RAPGEF6: variants seen among roughly 807,000 people sequenced by gnomAD.
The protein encoded by RAPGEF6 is PDZ domain containing guanine nucleotide exchange factor (GEF) 2.
Under a neutral mutation model 171.4 loss-of-function variants are expected in RAPGEF6, and 56 were observed. The observed-to-expected ratio is 0.33, with a 90% CI of 0.26 to 0.41. The LOEUF (loss-of-function observed/expected upper bound fraction) is 0.41, where lower values mean the gene tolerates loss of function less well. Ranked by LOEUF, RAPGEF6 falls within the 10% of genes least tolerant of loss-of-function variation. RAPGEF6 has a pLI of 1.00. For missense variants in RAPGEF6, 1,674 were observed against 1,921.4 expected, an observed-to-expected ratio of 0.87 and a Z score of 2.41; for synonymous variants, 692 against 650.1, an observed-to-expected ratio of 1.06 and a Z score of -0.98.
chr5:131,431,447 T>C, intron 25 of RAPGEF6, 98 bp from the exon 26 acceptor site: 1 of 1,326,536 alleles, frequency 7.5e-7, no homozygotes. Flanking sequence ...ACAGAGCACG[T>C]ACCACAAGTG....
At chr5:131,558,237 A>C (rs1323784616) in intron 5 of RAPGEF6, among the ~76,000 whole-genome samples, 1 of 145,654 alleles carries the variant, frequency 6.9e-6, no homozygotes. Context: ...TTTTTTTTCC[A>C]AGGAATTTGA....
intron 5 of RAPGEF6, among the ~76,000 whole-genome samples, chr5:131,553,304 T>C (rs1252325537): frequency 6.6e-6 from 1 of 152,188 alleles, no homozygotes; most frequent in African/African-American, 2.4e-5. Context: ...AATCCAAACC[T>C]AGCTCAACTC....
At chr5:131,458,912 C>T (rs1054875649) in intron 19 of RAPGEF6, among the ~76,000 whole-genome samples, 1 of 152,198 alleles carries the variant, frequency 6.6e-6, no homozygotes, top group African/African-American at 2.4e-5. Context: ...CATTGGCCTC[C>T]AAAGTGCCAG....
At position 131,498,575 on chromosome 5, in the gene RAPGEF6, T is replaced by C; in HGVS notation, c.1287A>G (p.Ile429Met). The C allele has an allele frequency of 6.2e-7, 1 of 1,613,802 alleles. No individual in the cohort carries two copies. Among genetic ancestry groups the C allele is most frequent in the Non-Finnish European group, 8.5e-7 (1 of 1,179,880 alleles). ...TTGGATCCACGATGGAATGTTCTTC[T>C]ATTAAATGCATTATGAGACGCTCAG... Reference protein sequence around the residue: ...ATPERLIMHLIEEHSIVDPTY... With the variant: ...ATPERLIMHLMEEHSIVDPTY... The change falls in exon 12 of 28, where the codon ATA becomes ATG. Residue 429 changes from isoleucine (I) to methionine (M), a missense_variant. Coordinates refer to ENST00000509018, the MANE Select transcript of RAPGEF6 (RefSeq NM_016340.6).
At chr5:131,558,220 T>G (rs1227528787) in intron 5 of RAPGEF6, among the ~76,000 whole-genome samples, 2 of 141,006 alleles carry the variant, frequency 1.4e-5, no homozygotes, top group Non-Finnish European at 3.0e-5. Flanking sequence ...CCAGTTTGGT[T>G]TTTTTTTTTT....
intron 16 of RAPGEF6, among the ~76,000 whole-genome samples, chr5:131,477,963 C>A (rs1236976877): frequency 1.3e-5 from 2 of 152,142 alleles, no homozygotes; most frequent in African/African-American, 4.8e-5. Context: ...TGTGGGCTGG[C>A]CCCTCTAACA....
rs752185779 is a variant in RAPGEF6, at chr5:131,429,045, A to T, written c.4637T>A (p.Leu1546His). ...VQRSKMMHNS[L>H]SRLPPASLSS... is the part of the protein sequence containing the mutation. ...GAGAGAAGCTGGTGGCAGTCTAGAG[A>T]GGCTGTTATGCATCATCTTTGACCT... Residue 1546 changes from leucine to histidine, a missense_variant, in exon 27 of 28, where the codon CTC (leucine) becomes CAC (histidine). This residue lies in a region of RAPGEF6 where 552 missense variants were observed against 574.2 expected (regional missense o/e 0.96). Transcript: ENST00000509018. 6.2e-7 allele frequency: 1 copy of T among 1,614,158 alleles called. No homozygotes were observed. The highest frequency in any genetic ancestry group is 1.7e-5 in the Admixed American group (1 of 60,022).
intron 1 of RAPGEF6, among the ~76,000 whole-genome samples, chr5:131,609,667 A>T (rs1182090213): frequency 6.6e-6 from 1 of 152,184 alleles, no homozygotes; most frequent in African/African-American, 2.4e-5. Flanking sequence ...ACAGAGACCA[A>T]CCGTATGAGT....
chr5:131,463,850 G>A (rs1178421518), intron 18 of RAPGEF6, 191 bp downstream of exon 18: 2 of 1,251,786 alleles, frequency 1.6e-6, no homozygotes, highest in Non-Finnish European at 2.0e-6. Flanking sequence ...TAAAAAAACA[G>A]GAACTAGATT....
In RAPGEF6 at chr5:131,461,934, T is replaced by C. The variant is rs1342619431; in HGVS notation, c.2635A>G (p.Ile879Val). 2 of 1,614,144 alleles carry C rather than the reference T, an allele frequency of 1.2e-6. No homozygotes were observed. Among genetic ancestry groups the C allele is most frequent in the East Asian group, 2.2e-5 (1 of 44,876 alleles). ...SMRDFDLFRN[I>V]EPTEYIDDLF... ...TCATCGATGTACTCAGTCGGTTCAA[T>C]ATTACGAAACAAATCAAAGTCCCTC... Residue 879 changes from isoleucine to valine, a missense_variant, in exon 19 of 28, where the codon ATT becomes GTT. Physicochemically the swap from Ile to Val is conservative, Grantham distance 29. Around this residue, in one of 3 missense-constraint regions of RAPGEF6, gnomAD observed 1,116 missense variants for 1,321.5 expected, o/e 0.84. Coordinates refer to ENST00000509018, the MANE Select transcript of RAPGEF6 (RefSeq NM_016340.6).
rs770886670 is a variant in RAPGEF6, at chr5:131,479,566, G to C, written c.2028C>G (p.Ile676Met). Residue 676 changes from isoleucine (I) to methionine (M), a missense_variant, in exon 16 of 28, where the codon ATC becomes ATG. By Grantham distance (10) the Ile-to-Met change is conservative. Transcript: ENST00000509018. ...ANTVSGGRNK[I>M]RKILDKTRFS... ...ATCGTGTTTTATCCAAAATCTTCCT[G>C]ATTTTGTTTCTTCCACCTGAAACAG... The C allele has an allele frequency of 6.2e-7, 1 of 1,613,816 alleles. No homozygotes were observed. Among genetic ancestry groups the C allele is most frequent in the Admixed American group, 1.7e-5 (1 of 60,000 alleles).
chr5:131,603,352 T>A, intron 2 of RAPGEF6, 25 bp from the exon 3 acceptor site: 1 of 1,414,586 alleles, frequency 7.1e-7, no homozygotes, highest in Non-Finnish European at 9.7e-7. Flanking sequence ...AATTGAAGAT[T>A]TTATCTTACA....
chr5:131,503,587 C>T (rs1216337673), intron 11 of RAPGEF6, among the ~76,000 whole-genome samples: 1 of 152,096 alleles, frequency 6.6e-6, no homozygotes. Flanking sequence ...GATTTAACTC[C>T]CTCATATTAT....
Position 131,498,439 on chromosome 5 carries a change from C to A in RAPGEF6, c.1419+4G>T. On this transcript the variant is annotated splice_donor_region_variant and intron_variant, in intron 12 of 27. Transcript: ENST00000509018. Reference sequence around the variant, plus strand: ...ATCACTTTCATGCCCCTTATAAAACCAACCTTATCTCTTAAGCTGTCGATC... The same window carrying A: ...ATCACTTTCATGCCCCTTATAAAACAAACCTTATCTCTTAAGCTGTCGATC... 6.3e-7 allele frequency: 1 copy of A among 1,583,076 alleles called. No individual in the cohort carries two copies. The highest frequency in any genetic ancestry group is 8.6e-7 in the Non-Finnish European group (1 of 1,163,738).
chr5:131,551,404 C>T (rs962651292), intron 5 of RAPGEF6, among the ~76,000 whole-genome samples: 1 of 150,684 alleles, frequency 6.6e-6, no homozygotes, highest in African/African-American at 2.5e-5. Context: ...CCCAGCTACT[C>T]GGGAGGCTGA....
chr5:131,462,249 G>T (rs1753985992), intron 18 of RAPGEF6, among the ~76,000 whole-genome samples, 161 bp from the exon 19 acceptor site: 1 of 152,106 alleles, frequency 6.6e-6, no homozygotes. Flanking sequence ...TAAATGAAAA[G>T]ATTTTTGAGA....
intron 15 of RAPGEF6, among the ~76,000 whole-genome samples, chr5:131,480,391 T>C (rs1315273391): frequency 6.6e-6 from 1 of 152,186 alleles, no homozygotes; most frequent in Non-Finnish European, 1.5e-5. Flanking sequence ...CTCACTACTG[T>C]AGTCAGGTTC....
In RAPGEF6 at chr5:131,430,867, C is replaced by A; in HGVS notation, c.4457G>T (p.Gly1486Val). 1 of 1,597,470 alleles carries A rather than the reference C, an allele frequency of 6.3e-7. No homozygotes were observed. Among genetic ancestry groups the A allele is most frequent in the South Asian group, 1.1e-5 (1 of 88,126 alleles). The stretch of plus-strand genomic sequence containing the variant: ...ACAAAAACACAACTTACCAATCAAG[C>A]CCTTTTCTGTACTTGAAGTGACAGT... The part of the protein sequence containing the change: ...YKTVTSSTEK[G>V]LIVYCVTSPK... Residue 1486 changes from glycine to valine, a missense_variant, in exon 26 of 28, where the codon GGC becomes GTC. By Grantham distance (109) the Gly-to-Val change is moderately radical (BLOSUM62 -3). Coordinates refer to ENST00000509018, the MANE Select transcript of RAPGEF6 (RefSeq NM_016340.6).
At chr5:131,591,833 A>T (rs11242083) in intron 4 of RAPGEF6, among the ~76,000 whole-genome samples, 95,572 of 151,972 alleles carry the variant, frequency 0.63, 32,105 homozygotes, top group Non-Finnish European at 0.77. Context: ...CAATTAGATA[A>T]ATCAGATCAA....
Sources: allele counts gnomAD v4.1 joint callset (sites outside exome capture counted in the v4.1 genomes callset), GRCh38; gene constraint gnomAD v4.1.1; regional missense constraint gnomAD v4.1.1; transcripts MANE v1.5; gene names NCBI Gene and HGNC (gene_info 2026-07-23, HGNC 2026-07-21).